Variants in GLI3 observed in about 807,000 individuals in gnomAD.
The protein encoded by GLI3 is GLI family zinc finger 3, also known as transcription activator GLI3.
Under a neutral mutation model 100.8 loss-of-function variants are expected in GLI3, and 20 were observed. The ratio of observed to expected loss-of-function variants is 0.20; its 90% confidence interval spans 0.14 to 0.29. The LOEUF is 0.29. Among genes scored for constraint, GLI3 ranks in the 10% least tolerant of loss-of-function variants. The probability of loss-of-function intolerance (pLI) is 1.00; values close to 1 mark genes in which losing one functional copy is unlikely to be tolerated. For synonymous variants in GLI3, 938 were observed against 860.5 expected, an observed-to-expected ratio of 1.09 and a Z score of -1.58; for missense variants, 2,040 against 2,128.5, an observed-to-expected ratio of 0.96 and a Z score of 0.82.
At chr7:42,204,889 C>A (rs1788118467) in intron 2 of GLI3, among the ~76,000 whole-genome samples, 1 of 152,018 alleles carries the variant, frequency 6.6e-6, no homozygotes, top group Non-Finnish European at 1.5e-5. Context: ...TGTGGGCTGG[C>A]AAATTTTCTG....
At chr7:42,142,381 C>T (rs926945555) in intron 3 of GLI3, among the ~76,000 whole-genome samples, 2 of 152,130 alleles carry the variant, frequency 1.3e-5, no homozygotes, top group African/African-American at 4.8e-5. Context: ...CACTAAGGGG[C>T]TAAGTGATTT....
At chr7:42,213,230 T>C (rs912488193) in intron 2 of GLI3, among the ~76,000 whole-genome samples, 7 of 152,226 alleles carry the variant, frequency 4.6e-5, no homozygotes, top group Non-Finnish European at 8.8e-5. Context: ...TTTTACTTAA[T>C]AAAACTGCCA....
At chr7:42,163,670 T>C (rs1787180013) in intron 2 of GLI3, among the ~76,000 whole-genome samples, 5 of 152,128 alleles carry the variant, frequency 3.3e-5, no homozygotes, top group Admixed American at 3.3e-4. Context: ...CCTCAGGTGA[T>C]CCACCCGCCT....
chr7:42,089,159 G>C (rs909460192), intron 3 of GLI3, among the ~76,000 whole-genome samples: 2 of 152,110 alleles, frequency 1.3e-5, no homozygotes, highest in African/African-American at 4.8e-5. Context: ...TGTACGCCTA[G>C]GTCCACACCT....
chr7:42,108,960 G>A (rs1451565970), intron 3 of GLI3, among the ~76,000 whole-genome samples: 1 of 152,042 alleles, frequency 6.6e-6, no homozygotes, highest in East Asian at 1.9e-4. Flanking sequence ...AGAACTGGAA[G>A]TCTGACGCCA....
rs761585918 is a variant in GLI3, at chr7:41,964,302, G to T, written c.*28C>A. ...ATCTCTTCAACTCCTATTGATTTCC[G>T]TTGGTTGCAGTCTTTTTTTCCTAAA... On this transcript the variant is annotated 3_prime_UTR_variant, in exon 15 of 15. Coordinates refer to ENST00000395925, the MANE Select transcript of GLI3 (RefSeq NM_000168.6). 1 of 1,605,892 alleles carries T rather than the reference G, an allele frequency of 6.2e-7. No homozygotes were observed. Among genetic ancestry groups the T allele is most frequent in the East Asian group, 2.2e-5 (1 of 44,852 alleles).
chr7:42,076,892 G>T, intron 3 of GLI3, 35 bp from the exon 4 acceptor site: 1 of 1,263,618 alleles, frequency 7.9e-7, no homozygotes, highest in Non-Finnish European at 1.2e-6. Flanking sequence ...TATATCAAAT[G>T]AACACTTTCA....
Position 42,080,503 on chromosome 7 carries a change from A to G in GLI3, c.368-3646T>C, listed in dbSNP as rs948902913. On this transcript the variant is annotated intron_variant, in intron 3 of 14. Coordinates refer to ENST00000395925, the MANE Select transcript of GLI3 (RefSeq NM_000168.6). The stretch of plus-strand genomic sequence containing the variant: ...TTCCCCTCTTGATTAAATTTAAAAT[A>G]ACTTCTCCTGGATTGCAGAAGTCTG... Among the ~76,000 whole-genome samples the G allele has an allele frequency of 5.9e-5, 9 of 152,200 alleles. No homozygotes were observed. The East Asian group carries it at 9.6e-4, about 16-fold the overall frequency.
intron 1 of GLI3, among the ~76,000 whole-genome samples, chr7:42,245,704 C>G (rs1444943893): frequency 1.3e-5 from 2 of 151,144 alleles, no homozygotes; most frequent in Non-Finnish European, 3.0e-5. Context: ...AAAAACAAAA[C>G]AAAACAAAAA....
chr7:42,262,612 C>G (rs1317194430), intron 1 of GLI3, among the ~76,000 whole-genome samples: 1 of 152,144 alleles, frequency 6.6e-6, no homozygotes, highest in Non-Finnish European at 1.5e-5. Context: ...CTGGGGCAGA[C>G]TCTCTCACTG....
chr7:42,035,270 G>T (rs1789406552), intron 7 of GLI3, among the ~76,000 whole-genome samples: 1 of 152,178 alleles, frequency 6.6e-6, no homozygotes, highest in African/African-American at 2.4e-5. Context: ...TAAGCACAGA[G>T]CCAAGGAGCT....
rs1788819683 is a variant in GLI3 at position 42,237,081 on chromosome 7, G to C, written c.-153C>G. 6.8e-6 allele frequency: 1 copy of C among 147,286 alleles called. No homozygotes were observed. The highest frequency in any genetic ancestry group is 1.5e-5 in the Non-Finnish European group (1 of 66,250). The allele number at this position is 147,286 out of a possible 1,614,324, so 9.1% of individuals were successfully genotyped here. A position where few individuals can be genotyped will look rare whatever the true frequency, so the allele number is the denominator to read the frequency against. ...CCGCGGGCGGCTACGGCTACCGCGA[G>C]CGGCCGGGCTGGGCGCGGGGTGCGC... is the stretch of plus-strand genomic sequence containing the variant. On this transcript the variant is annotated 5_prime_UTR_variant, in exon 1 of 15. Transcript: ENST00000395925.
chr7:42,215,216 G>T (rs904338752), intron 2 of GLI3, among the ~76,000 whole-genome samples: 2 of 152,140 alleles, frequency 1.3e-5, no homozygotes, highest in Non-Finnish European at 1.5e-5. Flanking sequence ...GGTGGTGGCA[G>T]CTATGTGAAC....
At chr7:42,157,440 C>T (rs1159936703) in intron 2 of GLI3, among the ~76,000 whole-genome samples, 4 of 152,222 alleles carry the variant, frequency 2.6e-5, no homozygotes, top group African/African-American at 9.6e-5. Flanking sequence ...TGGCCACAGA[C>T]ATGACGCTAG....
At chr7:42,220,109 G>A (rs564463584) in intron 2 of GLI3, among the ~76,000 whole-genome samples, 1 of 152,096 alleles carries the variant, frequency 6.6e-6, no homozygotes, top group Admixed American at 6.5e-5. Flanking sequence ...GCCTCGGCCT[G>A]CCAAAGTGCT....
chr7:42,059,513 A>T (rs1024509039), intron 4 of GLI3, among the ~76,000 whole-genome samples: 19 of 151,082 alleles, frequency 1.3e-4, no homozygotes, highest in African/African-American at 3.9e-4. Context: ...ATATAATAAA[A>T]ATAAATATAA....
At chr7:42,237,398 CATCCAATCGA>C (rs1788831487), upstream of GLI3, among the ~76,000 whole-genome samples, 1 of 152,128 alleles carries the variant, frequency 6.6e-6, no homozygotes, top group Non-Finnish European at 1.5e-5. Context: ...CCTCTCCTGG[CATCCAATCGA>C]CTTTCTGGAA....
intron 10 of GLI3, among the ~76,000 whole-genome samples, chr7:42,015,881 T>A (rs970458992): frequency 6.6e-6 from 1 of 151,982 alleles, no homozygotes; most frequent in Non-Finnish European, 1.5e-5. Flanking sequence ...TAATCACAAT[T>A]TTTTTTTGTT....
Position 41,965,122 on chromosome 7 carries a change from T to C in GLI3, c.3951A>G (p.Pro1317=), listed in dbSNP as rs773932946. 6.2e-7 allele frequency: 1 copy of C among 1,613,798 alleles called. No homozygotes were observed. Among genetic ancestry groups the C allele is most frequent in the Non-Finnish European group, 8.5e-7 (1 of 1,179,970 alleles). ...SMVNGMQNQD[P]VGQGYLAHQL... Reference sequence around the variant, plus strand: ...GGTGAGCCAGGTACCCCTGTCCCACTGGGTCCTGGTTCTGCATGCCATTCA... The same window carrying C: ...GGTGAGCCAGGTACCCCTGTCCCACCGGGTCCTGGTTCTGCATGCCATTCA... The change falls in exon 15 of 15, where the codon CCA becomes CCG. Residue 1317 remains proline (P), a synonymous_variant. Transcript: ENST00000395925.
Sources: gnomAD v4.1 joint callset for allele counts (sites outside exome capture counted in the v4.1 genomes callset) on GRCh38, gnomAD v4.1.1 for gene constraint, MANE v1.5 for transcripts, NCBI Gene and HGNC (gene_info 2026-07-23, HGNC 2026-07-21) for gene names.